The following OTUD4 variants were observed in gnomAD, a reference collection of about 807,000 sequenced individuals.
OTUD4 encodes the protein OTU deubiquitinase 4.
Under a neutral mutation model 130.4 loss-of-function variants are expected in OTUD4, and 24 were observed. That is an observed-to-expected ratio of 0.18 (90% CI 0.13 to 0.26). The LOEUF is 0.26. Ranked by LOEUF, OTUD4 falls within the 10% of genes least tolerant of loss-of-function variation. The pLI, the probability that OTUD4 is intolerant of heterozygous loss-of-function variation, is 1.00. For synonymous variants in OTUD4, 420 were observed against 472.5 expected, an observed-to-expected ratio of 0.89 and a Z score of 1.44; for missense variants, 1,031 against 1,329.4, an observed-to-expected ratio of 0.78 and a Z score of 3.49.
intron 14 of OTUD4, among the ~76,000 whole-genome samples, chr4:145,144,770 C>G (rs1750741559): frequency 6.6e-6 from 1 of 152,112 alleles, no homozygotes; most frequent in Non-Finnish European, 1.5e-5. Flanking sequence ...CTGTGCCAAC[C>G]TTCCAAAAAA....
intron 5 of OTUD4, among the ~76,000 whole-genome samples, chr4:145,163,527 A>AT (rs922375366): frequency 3.8e-4 from 57 of 151,348 alleles, no homozygotes; most frequent in African/African-American, 4.1e-4. Context: ...TTCACAAGTT[A>AT]TTTTTTTTTA....
intron 9 of OTUD4, 45 bp downstream of exon 9, chr4:145,155,524 A>T (rs1419306900): frequency 1.3e-6 from 2 of 1,597,332 alleles, no homozygotes; most frequent in Admixed American, 3.5e-5. Flanking sequence ...CTTATTTTCA[A>T]GTGCTACAAA....
chr4:145,166,005 T>C (rs573825400), intron 3 of OTUD4, among the ~76,000 whole-genome samples: 3 of 151,922 alleles, frequency 2.0e-5, no homozygotes, highest in African/African-American at 7.2e-5. Flanking sequence ...CTACTAAAAA[T>C]ACAAACTTAG....
intron 3 of OTUD4, among the ~76,000 whole-genome samples, chr4:145,168,974 GAAC>G (rs1752018141): frequency 6.6e-6 from 1 of 152,170 alleles, no homozygotes; most frequent in Non-Finnish European, 1.5e-5. Context: ...CAATAAAAAG[GAAC>G]TACTGCTAAA....
At chr4:145,155,505 T>C (rs754322748) in intron 9 of OTUD4, 30 bp from the exon 10 acceptor site, 8 of 1,601,270 alleles carry the variant, frequency 5.0e-6, no homozygotes, top group African/African-American at 2.7e-5. Context: ...CAGTATAATA[T>C]AAAGTTGACT....
Position 145,143,527 on chromosome 4 carries a change from C to T in OTUD4, c.1603-82G>A, listed in dbSNP as rs1750684498. The T allele has an allele frequency of 3.8e-5, 30 of 783,320 alleles. No individual in the cohort carries two copies. In the South Asian group the frequency reaches 4.8e-4, roughly 13 times the overall value. The allele number at this position is 783,320 out of a possible 1,614,324, so 48.5% of individuals were successfully genotyped here. ...ATTGATGGTTTCCTTTTATAATTCACCCTACCTGTATCTGACAGAACCCTC... is the reference window on the plus strand; with the variant it reads ...ATTGATGGTTTCCTTTTATAATTCATCCTACCTGTATCTGACAGAACCCTC... On this transcript the variant is annotated intron_variant, in intron 16 of 20. Coordinates refer to ENST00000447906, the MANE Select transcript of OTUD4 (RefSeq NM_001366057.1).
At chr4:145,145,649 A>G (rs1293568410) in intron 14 of OTUD4, among the ~76,000 whole-genome samples, 1 of 152,224 alleles carries the variant, frequency 6.6e-6, no homozygotes, top group Non-Finnish European at 1.5e-5. Flanking sequence ...CCCAGACATG[A>G]GAATGAATTA....
chr4:145,168,593 T>G (rs1471059457), intron 3 of OTUD4, among the ~76,000 whole-genome samples: 1 of 152,016 alleles, frequency 6.6e-6, no homozygotes, highest in Non-Finnish European at 1.5e-5. Flanking sequence ...CAAAATTAGA[T>G]AGATGACAAA....
At chr4:145,147,743 G>A (rs1750891594) in intron 13 of OTUD4, among the ~76,000 whole-genome samples, 1 of 152,144 alleles carries the variant, frequency 6.6e-6, no homozygotes, top group Admixed American at 6.5e-5. Flanking sequence ...AAAAGTGAGA[G>A]GCCAAGAAGG....
chr4:145,162,431 GTAGTCCCA>G (rs1361295956), intron 6 of OTUD4, among the ~76,000 whole-genome samples: 1 of 151,758 alleles, frequency 6.6e-6, no homozygotes, highest in Non-Finnish European at 1.5e-5. Flanking sequence ...GCGGGCGCCC[GTAGTCCCA>G]GCTACTCGGG....
chr4:145,165,358 C>A (rs553640830), intron 3 of OTUD4, among the ~76,000 whole-genome samples, 161 bp from the exon 4 acceptor site: 31 of 152,210 alleles, frequency 2.0e-4, no homozygotes, highest in African/African-American at 7.2e-4. Context: ...ATAAAACAGA[C>A]CACAATATGT....
chr4:145,140,319 T>C (rs1440057761), intron 19 of OTUD4, among the ~76,000 whole-genome samples: 2 of 152,156 alleles, frequency 1.3e-5, no homozygotes, highest in East Asian at 3.8e-4. Flanking sequence ...GGTTTAAAAA[T>C]TAGGAAATAA....
intron 5 of OTUD4, among the ~76,000 whole-genome samples, chr4:145,163,281 C>T (rs1751674301): frequency 6.6e-6 from 1 of 152,222 alleles, no homozygotes; most frequent in South Asian, 2.1e-4. Context: ...CTTAACACCA[C>T]CAGCATGGTG....
rs988314192 is a variant in OTUD4 at position 145,135,593 on chromosome 4, G to A, written c.*1837C>T. 6.6e-6 allele frequency: 1 copy of A among 152,434 alleles called. No individual in the cohort carries two copies. Among genetic ancestry groups the A allele is most frequent in the South Asian group, 2.1e-4 (1 of 4,832 alleles). The allele number at this position is 152,434 out of a possible 1,614,324, so 9.4% of individuals were successfully genotyped here. ...ATGTTAAGAAAAAAATGGCTTAAGCGGTACCTTCAACAACTATTCTAGTTA... is the reference window on the plus strand; with the variant it reads ...ATGTTAAGAAAAAAATGGCTTAAGCAGTACCTTCAACAACTATTCTAGTTA... On this transcript the variant is annotated 3_prime_UTR_variant, in exon 21 of 21. Transcript: ENST00000447906.
chr4:145,133,870 A>G lies in OTUD4; in HGVS notation c.*3560T>C, dbSNP rs1053106912. ...TAGTTTCCTTTTAACACTTCAAAAG[A>G]TATGTATATATACTTTTTTTTACAA... On this transcript the variant is annotated 3_prime_UTR_variant, in exon 21 of 21. Transcript: ENST00000447906. The G allele has an allele frequency of 6.5e-6, 1 of 152,684 alleles. No homozygotes were observed. Among genetic ancestry groups the G allele is most frequent in the Non-Finnish European group, 1.5e-5 (1 of 68,050 alleles). 9.5% of individuals were successfully genotyped at this position (152,684 alleles called of 1,614,324 possible). A position where few individuals can be genotyped will look rare whatever the true frequency, so the allele number is the denominator to read the frequency against.
At chr4:145,168,831 C>T (rs1355289730) in intron 3 of OTUD4, among the ~76,000 whole-genome samples, 1 of 152,182 alleles carries the variant, frequency 6.6e-6, no homozygotes, top group East Asian at 1.9e-4. Flanking sequence ...CACATGTCTA[C>T]ACAAAGATTT....
chr4:145,137,904 T>C lies in OTUD4; in HGVS notation c.2871A>G (p.Ala957=). ...GAGTGGGAGGATGAGCCTTTCCCTC[T>C]GCTACAGGAGGGATGGAAGCCAATG... ...DTALASIPPV[A]EGKAHPPTQI... Residue 957 remains alanine, a synonymous_variant, in exon 21 of 21, where the codon GCA becomes GCG. Transcript: ENST00000447906. 1 of 1,613,822 alleles carries C rather than the reference T, an allele frequency of 6.2e-7. No individual in the cohort carries two copies. Among genetic ancestry groups the C allele is most frequent in the Non-Finnish European group, 8.5e-7 (1 of 1,179,726 alleles).
chr4:145,144,730 C>T (rs902386412), intron 14 of OTUD4, among the ~76,000 whole-genome samples: 2 of 152,120 alleles, frequency 1.3e-5, no homozygotes, highest in Non-Finnish European at 2.9e-5. Context: ...CTTTACCCTA[C>T]AATTTTTCTT....
chr4:145,143,428 T>C lies in OTUD4; in HGVS notation c.1620A>G (p.Lys540=). 2 of 1,607,518 alleles carry C rather than the reference T, an allele frequency of 1.2e-6. No homozygotes were observed. Among genetic ancestry groups the C allele is most frequent in the Non-Finnish European group, 1.7e-6 (2 of 1,174,562 alleles). ...PSTLENITDD[K]YATVSSPSKS... ...TTGATGGTGATGAAACTGTTGCATATTTATCATCAGTAATATTCTTTGGAA... is the reference window on the plus strand; with the variant it reads ...TTGATGGTGATGAAACTGTTGCATACTTATCATCAGTAATATTCTTTGGAA... Residue 540 remains lysine, a synonymous_variant, in exon 17 of 21, where the codon AAA becomes AAG. Coordinates refer to ENST00000447906, the MANE Select transcript of OTUD4 (RefSeq NM_001366057.1).
Sources: gnomAD v4.1 joint callset for allele counts (sites outside exome capture counted in the v4.1 genomes callset) on GRCh38, gnomAD v4.1.1 for gene constraint, MANE v1.5 for transcripts, NCBI Gene and HGNC (gene_info 2026-07-23, HGNC 2026-07-21) for gene names.